SCFD1: variants seen among roughly 807,000 people sequenced by gnomAD.
SCFD1 encodes the protein sec1 family domain-containing protein 1.
Under a neutral mutation model 103.2 loss-of-function variants are expected in SCFD1, and 37 were observed. The observed-to-expected ratio is 0.36, with a 90% CI of 0.28 to 0.47. The LOEUF (loss-of-function observed/expected upper bound fraction) is 0.47, where lower values mean the gene tolerates loss of function less well. Ranked by LOEUF, SCFD1 falls within the 20% of genes least tolerant of loss-of-function variation. The probability of loss-of-function intolerance (pLI) is 1.00; values close to 1 mark genes in which losing one functional copy is unlikely to be tolerated. For missense variants in SCFD1, 639 were observed against 761.2 expected (o/e 0.84, Z 1.89); for synonymous variants, 264 against 245.0 (o/e 1.08, Z -0.73).
intron 17 of SCFD1, among the ~76,000 whole-genome samples, chr14:30,703,644 A>G (rs1891231124): frequency 6.6e-6 from 1 of 151,134 alleles, no homozygotes; most frequent in Non-Finnish European, 1.5e-5. Flanking sequence ...ATAACAAGAG[A>G]ATTACACCAA....
chr14:30,642,619 A>G (rs972611028), intron 6 of SCFD1, among the ~76,000 whole-genome samples: 8 of 152,186 alleles, frequency 5.3e-5, no homozygotes, highest in African/African-American at 1.9e-4. Flanking sequence ...GTTGTGCTGT[A>G]ATTTATTTGC....
intron 10 of SCFD1, among the ~76,000 whole-genome samples, chr14:30,659,870 AT>A (rs1164742034): frequency 9.2e-5 from 14 of 152,290 alleles, no homozygotes; most frequent in Non-Finnish European, 1.8e-4. Context: ...TATGAATAAA[AT>A]TTTTTAAACT....
chr14:30,668,640 A>T (rs897144164), intron 10 of SCFD1, among the ~76,000 whole-genome samples: 1 of 152,228 alleles, frequency 6.6e-6, no homozygotes, highest in Non-Finnish European at 1.5e-5. Flanking sequence ...AAATTTTTAC[A>T]ATCTACCCAT....
chr14:30,683,567 G>T (rs956393455), intron 14 of SCFD1: 1 of 266,922 alleles, frequency 3.7e-6, no homozygotes, highest in Non-Finnish European at 7.2e-6. Context: ...TGCGATGCTA[G>T]TGGTGGCTGG....
At chr14:30,629,567 T>C (rs186107287) in intron 2 of SCFD1, among the ~76,000 whole-genome samples, 1 of 151,192 alleles carries the variant, frequency 6.6e-6, no homozygotes, top group East Asian at 1.9e-4. Flanking sequence ...AAATACTCTT[T>C]AGGGACTTAA....
chr14:30,631,111 T>C (rs1884070564), intron 3 of SCFD1, among the ~76,000 whole-genome samples: 1 of 152,134 alleles, frequency 6.6e-6, no homozygotes, highest in African/African-American at 2.4e-5. Flanking sequence ...CCCAGTACTT[T>C]GGGAGGCCAA....
chr14:30,623,156 A>G (rs1359660766), intron 1 of SCFD1, among the ~76,000 whole-genome samples: 1 of 152,148 alleles, frequency 6.6e-6, no homozygotes. Context: ...TGTTAGCTAC[A>G]AACTAAAGGT....
At chr14:30,717,578 T>G (rs1892363736) in intron 20 of SCFD1, among the ~76,000 whole-genome samples, 1 of 152,170 alleles carries the variant, frequency 6.6e-6, no homozygotes, top group African/African-American at 2.4e-5. Flanking sequence ...TAACATTTAT[T>G]GAGTACTTAT....
intron 4 of SCFD1, among the ~76,000 whole-genome samples, chr14:30,637,417 C>T (rs1884839256): frequency 6.6e-6 from 1 of 152,072 alleles, no homozygotes; most frequent in South Asian, 2.1e-4. Flanking sequence ...ACCCTGATCA[C>T]CTTCCTCACA....
At chr14:30,626,981 C>T (rs971416682) in intron 1 of SCFD1, among the ~76,000 whole-genome samples, 7 of 152,176 alleles carry the variant, frequency 4.6e-5, no homozygotes, top group Non-Finnish European at 4.4e-5. Flanking sequence ...ATAGTTCTCT[C>T]GTAGGACTTT....
intron 23 of SCFD1, among the ~76,000 whole-genome samples, chr14:30,732,540 A>G (rs953433264): frequency 1.3e-5 from 2 of 152,072 alleles, no homozygotes; most frequent in African/African-American, 2.4e-5. Context: ...TCTTTTCCCT[A>G]CCATTCAGCC....
intron 14 of SCFD1, among the ~76,000 whole-genome samples, chr14:30,685,136 G>C (rs1278066098): frequency 1.8e-4 from 4 of 21,860 alleles, no homozygotes; most frequent in African/African-American, 1.2e-3. Context: ...CAAAGGATAT[G>C]AACTCATCAT....
At chr14:30,684,332 G>A (rs1889751714) in intron 14 of SCFD1, among the ~76,000 whole-genome samples, 1 of 152,206 alleles carries the variant, frequency 6.6e-6, no homozygotes, top group South Asian at 2.1e-4. Context: ...TAGGTTTTAA[G>A]ATTATTCCCT....
intron 15 of SCFD1, among the ~76,000 whole-genome samples, chr14:30,697,641 G>A (rs961070532): frequency 5.3e-5 from 8 of 152,180 alleles, no homozygotes; most frequent in Non-Finnish European, 1.0e-4. Flanking sequence ...AGGCTGAGAG[G>A]TAAAGGGCTA....
At chr14:30,631,900 G>C (rs760507786) in intron 3 of SCFD1, among the ~76,000 whole-genome samples, 1 of 151,910 alleles carries the variant, frequency 6.6e-6, no homozygotes, top group Non-Finnish European at 1.5e-5. Context: ...ACAAAAATTA[G>C]CTGGGCATGG....
At chr14:30,701,908 C>G (rs1317312380) in intron 16 of SCFD1, among the ~76,000 whole-genome samples, 2 of 152,146 alleles carry the variant, frequency 1.3e-5, no homozygotes, top group East Asian at 3.9e-4. Flanking sequence ...ATCTGCAGCT[C>G]CCCTCAGTTG....
At chr14:30,635,408 A>T (rs1408216318) in intron 4 of SCFD1, among the ~76,000 whole-genome samples, 12 of 152,132 alleles carry the variant, frequency 7.9e-5, no homozygotes, top group African/African-American at 2.9e-4. Flanking sequence ...GGTACCATTT[A>T]TCACATCCTC....
intron 7 of SCFD1, among the ~76,000 whole-genome samples, chr14:30,646,641 G>A (rs187794754): frequency 3.3e-5 from 5 of 152,256 alleles, no homozygotes; most frequent in Admixed American, 3.3e-4. Flanking sequence ...CATTGAATGA[G>A]ATAGGGAAGA....
chr14:30,624,403 A>G (rs1334745797), intron 1 of SCFD1, among the ~76,000 whole-genome samples: 2 of 152,176 alleles, frequency 1.3e-5, no homozygotes, highest in South Asian at 2.1e-4. Context: ...TGGCCGTCCC[A>G]TCTGAACTCA....
Sources: gnomAD v4.1 joint callset for allele counts (sites outside exome capture counted in the v4.1 genomes callset) on GRCh38, gnomAD v4.1.1 for gene constraint, MANE v1.5 for transcripts, NCBI Gene and HGNC (gene_info 2026-07-23, HGNC 2026-07-21) for gene names.